The following PTPRK variants were observed in gnomAD, a reference collection of about 807,000 sequenced individuals.
PTPRK encodes the protein protein tyrosine phosphatase receptor type K, also known as receptor-type tyrosine-protein phosphatase kappa.
PTPRK carries 75 observed loss-of-function variants against 178.0 expected under a neutral mutation model. The ratio of observed to expected loss-of-function variants is 0.42; its 90% CI spans 0.35 to 0.51. The LOEUF is 0.51. PTPRK is among the 20% of genes least tolerant of loss of function. PTPRK has a pLI of 0.02. For synonymous variants in PTPRK, 637 were observed against 620.6 expected, an observed-to-expected ratio of 1.03 and a Z score of -0.39; for missense variants, 1,441 against 1,797.8, an observed-to-expected ratio of 0.80 and a Z score of 3.59.
chr6:128,435,029 A>ACAGGAAGG lies in PTPRK; in HGVS notation c.101-37349_101-37342dup, dbSNP rs1158217908. The stretch of plus-strand genomic sequence containing the variant: ...GAAAGGAAGGCAAGAAGGAAGTAAG[A>ACAGGAAGG]CAGGAAGGCAGGAAGGCAGGAAGGA... On this transcript the variant is annotated intron_variant, in intron 1 of 29. Transcript: ENST00000368226. Among the ~76,000 whole-genome samples the ACAGGAAGG allele has an allele frequency of 2.8e-3, 313 of 111,026 alleles. 2 individuals are homozygous for ACAGGAAGG. The highest frequency in any genetic ancestry group is 4.8e-3 in the East Asian group (19 of 3,968). The allele number at this position is 111,026 out of a possible 152,430, so 72.8% of individuals were successfully genotyped here.
At chr6:128,259,417 CATTATGT>C (rs1488972930) in intron 3 of PTPRK, among the ~76,000 whole-genome samples, 1 of 152,086 alleles carries the variant, frequency 6.6e-6, no homozygotes, top group Non-Finnish European at 1.5e-5. Flanking sequence ...GAAACCAAAA[CATTATGT>C]ATTATGATTC....
intron 7 of PTPRK, among the ~76,000 whole-genome samples, chr6:128,133,281 C>T (rs1046885150): frequency 1.3e-5 from 2 of 152,048 alleles, no homozygotes; most frequent in African/African-American, 4.8e-5. Flanking sequence ...CGGTTTATTT[C>T]AGGTTTAAAA....
intron 13 of PTPRK, among the ~76,000 whole-genome samples, chr6:128,035,157 A>C (rs1204014957): frequency 6.6e-6 from 1 of 152,196 alleles, no homozygotes; most frequent in Non-Finnish European, 1.5e-5. Flanking sequence ...ACTTGAGGTC[A>C]GGAGTTCAAG....
intron 1 of PTPRK, among the ~76,000 whole-genome samples, chr6:128,455,354 A>G (rs959896154): frequency 1.8e-4 from 28 of 152,154 alleles, no homozygotes; most frequent in African/African-American, 6.8e-4. Flanking sequence ...TCTCATGTCA[A>G]TTCTCTGCTT....
intron 5 of PTPRK, chr6:128,235,745 C>A: frequency 2.9e-6 from 1 of 343,374 alleles, no homozygotes; most frequent in Admixed American, 3.4e-5. Flanking sequence ...CCATCAAAAT[C>A]GTCATGGCTC....
chr6:128,135,940 C>T (rs774750044), intron 7 of PTPRK, among the ~76,000 whole-genome samples: 1 of 152,074 alleles, frequency 6.6e-6, no homozygotes, highest in African/African-American at 2.4e-5. Flanking sequence ...ATGAGCTGAA[C>T]TGTGTCTCCC....
At chr6:127,972,188 T>C (rs561228536) in intron 29 of PTPRK, among the ~76,000 whole-genome samples, 4 of 152,302 alleles carry the variant, frequency 2.6e-5, no homozygotes, top group African/African-American at 7.2e-5. Context: ...TGAAATACTT[T>C]AAAGGTTTAT....
At chr6:128,410,527 A>G (rs1842184174) in intron 1 of PTPRK, among the ~76,000 whole-genome samples, 1 of 152,188 alleles carries the variant, frequency 6.6e-6, no homozygotes, top group Non-Finnish European at 1.5e-5. Flanking sequence ...AAGAAATATT[A>G]TTTCTACCAA....
At chr6:128,387,637 CTT>C (rs1838935177) in intron 2 of PTPRK, among the ~76,000 whole-genome samples, 1 of 152,082 alleles carries the variant, frequency 6.6e-6, no homozygotes, top group Non-Finnish European at 1.5e-5. Context: ...ACACTTGACT[CTT>C]TCTTCGTTTT....
intron 2 of PTPRK, among the ~76,000 whole-genome samples, chr6:128,392,647 A>G (rs1257895738): frequency 6.6e-6 from 1 of 152,188 alleles, no homozygotes; most frequent in Non-Finnish European, 1.5e-5. Flanking sequence ...AATGATTTCT[A>G]GTTCTATGCA....
chr6:128,340,012 C>T (rs1831456698), intron 2 of PTPRK, among the ~76,000 whole-genome samples: 1 of 152,076 alleles, frequency 6.6e-6, no homozygotes, highest in Non-Finnish European at 1.5e-5. Context: ...CACCCCCATC[C>T]AAAATAAAAC....
intron 19 of PTPRK, 118 bp from the exon 20 acceptor site, chr6:127,991,509 A>G: frequency 1.7e-6 from 1 of 599,716 alleles, no homozygotes; most frequent in Non-Finnish European, 2.6e-6. Flanking sequence ...CTAACACAAA[A>G]TGTCACTGAA....
chr6:128,026,826 G>A (rs1213351481), intron 13 of PTPRK, among the ~76,000 whole-genome samples: 1 of 152,104 alleles, frequency 6.6e-6, no homozygotes, highest in African/African-American at 2.4e-5. Context: ...TCCAACCAGT[G>A]TCCTATTTTA....
intron 3 of PTPRK, among the ~76,000 whole-genome samples, chr6:128,289,123 A>G (rs1410440141): frequency 2.0e-5 from 3 of 152,122 alleles, no homozygotes; most frequent in Non-Finnish European, 4.4e-5. Context: ...TCTAAGTTCT[A>G]CTAAAGATAT....
intron 13 of PTPRK, among the ~76,000 whole-genome samples, chr6:128,035,753 T>A (rs552018920): frequency 6.6e-5 from 10 of 152,184 alleles, no homozygotes; most frequent in Non-Finnish European, 1.3e-4. Context: ...TCTGGAGGCA[T>A]CTAGGAAATG....
intron 7 of PTPRK, among the ~76,000 whole-genome samples, chr6:128,120,029 T>C (rs540279325): frequency 1.1e-4 from 17 of 152,098 alleles, no homozygotes; most frequent in African/African-American, 3.8e-4. Context: ...CAGTATTCCA[T>C]TGTAATCCAA....
intron 2 of PTPRK, among the ~76,000 whole-genome samples, chr6:128,385,732 C>T (rs1464993858): frequency 2.0e-5 from 3 of 152,150 alleles, no homozygotes; most frequent in Non-Finnish European, 2.9e-5. Context: ...TAACTATAGG[C>T]TCCACAGATT....
intron 7 of PTPRK, 94 bp downstream of exon 7, chr6:128,184,338 T>C: frequency 8.3e-7 from 1 of 1,210,740 alleles, no homozygotes; most frequent in Admixed American, 2.4e-5. Context: ...CTATATCATA[T>C]ATCAAATAAT....
chr6:127,975,364 A>G (rs966611638), intron 27 of PTPRK, among the ~76,000 whole-genome samples: 2 of 152,208 alleles, frequency 1.3e-5, no homozygotes, highest in Non-Finnish European at 2.9e-5. Flanking sequence ...ATGCATGAAT[A>G]TTATGAGATG....
Sources: gnomAD v4.1 joint callset for allele counts (sites outside exome capture counted in the v4.1 genomes callset) on GRCh38, gnomAD v4.1.1 for gene constraint, MANE v1.5 for transcripts, NCBI Gene and HGNC (gene_info 2026-07-23, HGNC 2026-07-21) for gene names.